The following ITGB2 variants were observed in gnomAD, a reference collection of about 807,000 sequenced individuals.
The protein encoded by ITGB2 is integrin subunit beta 2.
Under a neutral mutation model 86.8 loss-of-function variants are expected in ITGB2, and 56 were observed. That is an observed-to-expected ratio of 0.65 (90% CI 0.52 to 0.81). ITGB2 has a LOEUF of 0.81. Among genes scored for constraint, ITGB2 ranks in the 30% least tolerant of loss-of-function variants. The pLI is 0.00. For missense variants in ITGB2, 948 were observed against 1,061.2 expected (o/e 0.89, Z 1.48); for synonymous variants, 457 against 450.4 (o/e 1.01, Z -0.19).
At chr21:44,891,349 A>G (rs235325) in intron 11 of ITGB2, among the ~76,000 whole-genome samples, 96,852 of 152,040 alleles carry the variant, frequency 0.64, 32,304 homozygotes, top group African/African-American at 0.84. Flanking sequence ...CTCTCTAGCC[A>G]CCCATGCCCC....
In ITGB2 at chr21:44,888,838, C is replaced by A. The variant is rs747693677; in HGVS notation, c.1935G>T (p.Ala645=). The change falls in exon 14 of 16, where the codon GCG becomes GCT. Residue 645 remains alanine, a synonymous_variant. Transcript: ENST00000652462. Reference sequence around the variant, plus strand: ...TCGACAGCTGCAGGCCCGGACACGCCGCGCTGCAGTTCTTCCCAAAGGGGC... The same window carrying A: ...TCGACAGCTGCAGGCCCGGACACGCAGCGCTGCAGTTCTTCCCAAAGGGGC... ...EKGPFGKNCS[A]ACPGLQLSNN... is the part of the protein sequence containing the mutation. The A allele has an allele frequency of 1.9e-6, 3 of 1,610,388 alleles. No individual in the cohort carries two copies. Among genetic ancestry groups the A allele is most frequent in the African/African-American group, 2.7e-5 (2 of 75,058 alleles).
At chr21:44,920,115 C>T (rs1364005130) in intron 1 of ITGB2, among the ~76,000 whole-genome samples, 1 of 152,098 alleles carries the variant, frequency 6.6e-6, no homozygotes, top group African/African-American at 2.4e-5. Context: ...CAGGGAAGCT[C>T]GAGGGTCCCA....
intron 8 of ITGB2, among the ~76,000 whole-genome samples, chr21:44,895,805 C>T (rs2083856024): frequency 6.8e-6 from 1 of 147,722 alleles, no homozygotes; most frequent in African/African-American, 2.5e-5. Flanking sequence ...GCACTCCAGC[C>T]TGGGCAACAA....
At position 44,893,547 on chromosome 21, in the gene ITGB2, G is replaced by A; in HGVS notation, c.1084-3C>T. The A allele has an allele frequency of 6.2e-7, 1 of 1,613,762 alleles. No homozygotes were observed. Among genetic ancestry groups the A allele is most frequent in the South Asian group, 1.1e-5 (1 of 91,076 alleles). On this transcript the variant is annotated splice_polypyrimidine_tract_variant and splice_region_variant and intron_variant, in intron 9 of 15. Transcript: ENST00000652462. The stretch of plus-strand genomic sequence containing the variant: ...AGGAAGACCCTGGAGGAGAGTTTCT[G>A]CGGGCAGAGAGCGGTTACTCTTGGG...
In ITGB2 at chr21:44,893,911, T is replaced by C. The variant is rs185721126; in HGVS notation, c.1084-367A>G. The stretch of plus-strand genomic sequence containing the variant: ...AGAGAGAGGCAGAGACAGACAGAGA[T>C]GGGCAGAGCCAGAGCCAGAGACAGA... On this transcript the variant is annotated intron_variant, in intron 9 of 15. Coordinates refer to ENST00000652462, the MANE Select transcript of ITGB2 (RefSeq NM_000211.5). The C allele has an allele frequency of 3.0e-4, 104 of 344,892 alleles. No individual in the cohort carries two copies. In the East Asian group the frequency reaches 5.3e-3, roughly 18 times the overall value. The allele number at this position is 344,892 out of a possible 1,614,324, so 21.4% of individuals were successfully genotyped here. A position where few individuals can be genotyped will look rare whatever the true frequency, so the allele number is the denominator to read the frequency against.
At chr21:44,910,844 C>A in intron 1 of ITGB2, 59 bp from the exon 2 acceptor site, 1 of 1,537,852 alleles carries the variant, frequency 6.5e-7, no homozygotes, top group Non-Finnish European at 8.9e-7. Context: ...GCTGACCACC[C>A]ATGAAGCTCC....
At chr21:44,896,107 C>A (rs1278840197) in intron 8 of ITGB2, among the ~76,000 whole-genome samples, 2 of 151,758 alleles carry the variant, frequency 1.3e-5, no homozygotes, top group Non-Finnish European at 2.9e-5. Flanking sequence ...GGTGTGACTG[C>A]TCCCGCCTGT....
At chr21:44,918,879 C>T (rs1258608394) in intron 1 of ITGB2, among the ~76,000 whole-genome samples, 2 of 104,254 alleles carry the variant, frequency 1.9e-5, no homozygotes, top group Non-Finnish European at 3.8e-5. Context: ...GCCCAGCCCA[C>T]GCCCACCAGG....
chr21:44,895,139 G>T, intron 8 of ITGB2, 79 bp from the exon 9 acceptor site: 1 of 1,059,862 alleles, frequency 9.4e-7, no homozygotes, highest in Non-Finnish European at 1.5e-6. Flanking sequence ...CACCCCAGGG[G>T]CTTCTGCACC....
chr21:44,910,667 T>C, intron 2 of ITGB2, 58 bp downstream of exon 2: 1 of 1,580,406 alleles, frequency 6.3e-7, no homozygotes. Context: ...GGGCAGGCCC[T>C]GTTCTCCCTG....
At chr21:44,917,044 T>G (rs1166629146) in intron 1 of ITGB2, among the ~76,000 whole-genome samples, 1 of 152,098 alleles carries the variant, frequency 6.6e-6, no homozygotes, top group Non-Finnish European at 1.5e-5. Context: ...AAAAGGTAAA[T>G]ACTCCATTCA....
chr21:44,889,175 T>C (rs1601282068), intron 13 of ITGB2, 101 bp downstream of exon 13: 1 of 1,168,342 alleles, frequency 8.6e-7, no homozygotes, highest in East Asian at 2.4e-5. Context: ...AACCCCGCGG[T>C]GCAGAGGTGC....
intron 1 of ITGB2, among the ~76,000 whole-genome samples, chr21:44,919,909 T>G (rs1312250360): frequency 1.4e-5 from 2 of 145,578 alleles, no homozygotes; most frequent in Admixed American, 6.7e-5. Context: ...AGTGCAGTGT[T>G]GGGGGAAGGG....
At chr21:44,907,156 C>T in intron 3 of ITGB2, 61 bp from the exon 4 acceptor site, 2 of 1,352,954 alleles carry the variant, frequency 1.5e-6, no homozygotes, top group Non-Finnish European at 2.1e-6. Context: ...AGGAGGCTGA[C>T]TGGCCATGGA....
upstream of ITGB2, among the ~76,000 whole-genome samples, chr21:44,922,415 C>A (rs2084318407): frequency 6.6e-6 from 1 of 152,026 alleles, no homozygotes; most frequent in Non-Finnish European, 1.5e-5. Context: ...GTAATCCCAG[C>A]ACTTTGGGAG....
intron 1 of ITGB2, among the ~76,000 whole-genome samples, chr21:44,915,203 T>C: frequency 6.6e-6 from 1 of 152,146 alleles, no homozygotes; most frequent in Non-Finnish European, 1.5e-5. Context: ...TTTTTGTGTT[T>C]TTAGTAGAGA....
At position 44,903,411 on chromosome 21, in the gene ITGB2, G is replaced by A. The variant is rs372501675; in HGVS notation, c.453C>T (p.Gly151=). ...DDLRNVKKLG[G]DLLRALNEIT... ...TCTCGTTGAGGGCCCGGAGCAGGTC[G>A]CCACCTAGCTTCTTGACATTCCTGA... The change falls in exon 5 of 16, where the codon GGC becomes GGT. Residue 151 remains glycine (G), a synonymous_variant. Transcript: ENST00000652462. The A allele has an allele frequency of 1.7e-4, 280 of 1,613,990 alleles. No individual in the cohort carries two copies. Among genetic ancestry groups the A allele is most frequent in the Non-Finnish European group, 2.1e-4 (246 of 1,179,990 alleles).
intron 13 of ITGB2, 99 bp downstream of exon 13, chr21:44,889,177 C>CAG: frequency 8.4e-7 from 1 of 1,191,212 alleles, no homozygotes; most frequent in East Asian, 2.4e-5. Context: ...CCCCGCGGTG[C>CAG]AGAGGTGCTC....
In ITGB2 at chr21:44,893,463, C is replaced by T. The variant is rs372510204; in HGVS notation, c.1165G>A (p.Gly389Arg). The change falls in exon 10 of 16, where the codon GGA becomes AGA. Residue 389 changes from glycine (G) to arginine (R), a missense_variant. Gly to Arg is a moderately radical substitution (Grantham distance 125). Coordinates refer to ENST00000652462, the MANE Select transcript of ITGB2 (RefSeq NM_000211.5). ...KVTYDSFCSN[G>R]VTHRNQPRGD... is the part of the protein sequence containing the mutation. ...CTGGGCTGGTTCCTGTGCGTCACTC[C>T]ATTGCTGCAGAAGGAGTCGTAGGTG... 14 of 1,614,058 alleles carry T rather than the reference C, an allele frequency of 8.7e-6. No individual in the cohort carries two copies. Among genetic ancestry groups the T allele is most frequent in the Non-Finnish European group, 1.2e-5 (14 of 1,180,034 alleles).
Sources: gnomAD v4.1 joint callset for allele counts (sites outside exome capture counted in the v4.1 genomes callset) on GRCh38, gnomAD v4.1.1 for gene constraint, MANE v1.5 for transcripts, NCBI Gene and HGNC (gene_info 2026-07-23, HGNC 2026-07-21) for gene names.